Variants in DIP2C observed in about 807,000 individuals in gnomAD.
The protein encoded by DIP2C is DIP2 acetate--CoA ligase C (putative).
In DIP2C, 33 loss-of-function variants were observed where a neutral mutation model predicts 192.4. The ratio of observed to expected loss-of-function variants is 0.17; its 90% CI spans 0.13 to 0.23. The LOEUF is 0.23. Ranked by LOEUF, DIP2C falls within the 10% of genes least tolerant of loss-of-function variation. DIP2C has a pLI of 1.00. For missense variants in DIP2C, 1,537 were observed against 2,110.1 expected (o/e 0.73, Z 5.32); for synonymous variants, 979 against 864.1 (o/e 1.13, Z -2.33).
chr10:374,872 G>T (rs1414468195), intron 17 of DIP2C, among the ~76,000 whole-genome samples: 1 of 152,150 alleles, frequency 6.6e-6, no homozygotes, highest in Non-Finnish European at 1.5e-5. Context: ...ATTAAAAAAT[G>T]GCTAATAAAG....
chr10:564,562 T>C (rs1849366000), intron 1 of DIP2C, among the ~76,000 whole-genome samples: 1 of 152,216 alleles, frequency 6.6e-6, no homozygotes, highest in South Asian at 2.1e-4. Context: ...CTGAGCACTG[T>C]GTTCTGATCC....
At chr10:368,653 T>C (rs964513648) in intron 18 of DIP2C, among the ~76,000 whole-genome samples, 2 of 152,146 alleles carry the variant, frequency 1.3e-5, no homozygotes, top group Non-Finnish European at 2.9e-5. Flanking sequence ...TCTGTGAGAC[T>C]CCATGGGGCG....
intron 1 of DIP2C, among the ~76,000 whole-genome samples, chr10:488,078 T>G (rs1385059855): frequency 6.6e-6 from 1 of 152,196 alleles, no homozygotes; most frequent in Non-Finnish European, 1.5e-5. Context: ...ACGTGCTTGA[T>G]TTAAATCGAG....
chr10:485,673 TC>T (rs1843964313), intron 2 of DIP2C, among the ~76,000 whole-genome samples: 1 of 152,212 alleles, frequency 6.6e-6, no homozygotes, highest in Admixed American at 6.5e-5. Context: ...GACATGTGCA[TC>T]CTTAAACCTT....
rs1211803278 is a variant in DIP2C, at chr10:652,992, A to AC, written c.85+36501dup. Among the ~76,000 whole-genome samples, 1 of 151,938 alleles carries AC rather than the reference A, an allele frequency of 6.6e-6. No homozygotes were observed. The highest frequency in any genetic ancestry group is 6.6e-5 in the Admixed American group (1 of 15,246). The stretch of plus-strand genomic sequence containing the variant: ...CTCAAGGTGCCCCACGTCCCCAAAG[A>AC]CCAAGGGGTCACAGCTCCACATTGT... On this transcript the variant is annotated intron_variant, in intron 1 of 36. Coordinates refer to ENST00000280886, the MANE Select transcript of DIP2C (RefSeq NM_014974.3). The surrounding 1 kb of genome is among the most constrained non-coding windows in gnomAD (Gnocchi z 4.5).
intron 10 of DIP2C, among the ~76,000 whole-genome samples, chr10:392,258 AG>A (rs1330893737): frequency 6.6e-6 from 1 of 152,232 alleles, no homozygotes; most frequent in Non-Finnish European, 1.5e-5. Flanking sequence ...CTGCTGAGCC[AG>A]GAAGTGCCGG....
intron 1 of DIP2C, among the ~76,000 whole-genome samples, chr10:507,886 T>A (rs892258426): frequency 6.6e-6 from 1 of 152,162 alleles, no homozygotes; most frequent in Non-Finnish European, 1.5e-5. Flanking sequence ...CAAGTTTAAA[T>A]GAGGGGCCCA....
chr10:344,399 CG>C lies in DIP2C; in HGVS notation c.3453+409del, dbSNP rs10534838. Among the ~76,000 whole-genome samples the C allele has an allele frequency of 2.5e-3, 294 of 118,382 alleles. 5 individuals carry two copies. The highest frequency in any genetic ancestry group is 5.3e-3 in the African/African-American group (173 of 32,432). 77.7% of individuals were successfully genotyped at this position (118,382 alleles called of 152,430 possible). On this transcript the variant is annotated intron_variant, in intron 28 of 36. Transcript: ENST00000280886. ...CCCCAAGGGTGGGGCGGGGGCGGGG[CG>C]GGGGGGGGTTTGCACGGCACCTCGG...
At chr10:334,493 T>C (rs1957661095) in intron 29 of DIP2C, among the ~76,000 whole-genome samples, 1 of 152,106 alleles carries the variant, frequency 6.6e-6, no homozygotes, top group Non-Finnish European at 1.5e-5. Flanking sequence ...AGTATACCTT[T>C]GATGAACTCT....
chr10:351,779 G>A lies in DIP2C; in HGVS notation c.2986-2325C>T, dbSNP rs550093574. On this transcript the variant is annotated intron_variant, in intron 24 of 36. Transcript: ENST00000280886. ...CCTCTGAGCATTTACTCTTAGAGGG[G>A]CTCCTTGCCACCTGTTCACAGCAAC... Among the ~76,000 whole-genome samples the A allele has an allele frequency of 2.6e-5, 4 of 152,246 alleles. No homozygotes were observed. The East Asian group carries it at 7.7e-4, about 29-fold the overall frequency.
At chr10:526,265 A>T (rs1488011976) in intron 1 of DIP2C, among the ~76,000 whole-genome samples, 1 of 152,212 alleles carries the variant, frequency 6.6e-6, no homozygotes, top group African/African-American at 2.4e-5. Context: ...GTGGGCAGGG[A>T]GATGCTGCAC....
At chr10:342,420 A>C (rs1280711655) in intron 28 of DIP2C, among the ~76,000 whole-genome samples, 1 of 152,060 alleles carries the variant, frequency 6.6e-6, no homozygotes, top group Non-Finnish European at 1.5e-5. Context: ...GGCCTCCCAA[A>C]GTGCTGGGAT....
chr10:354,371 G>A (rs973487758), intron 24 of DIP2C, among the ~76,000 whole-genome samples: 3 of 152,166 alleles, frequency 2.0e-5, no homozygotes, highest in Non-Finnish European at 2.9e-5. Flanking sequence ...CTGTCCACAG[G>A]GCCAGATAGA....
At chr10:607,380 C>G (rs1166110178) in intron 1 of DIP2C, among the ~76,000 whole-genome samples, 1 of 152,218 alleles carries the variant, frequency 6.6e-6, no homozygotes, top group Non-Finnish European at 1.5e-5. Flanking sequence ...GTGCTCACGT[C>G]TGCATTCCAG....
At chr10:420,317 G>T (rs1966096077) in intron 5 of DIP2C, among the ~76,000 whole-genome samples, 1 of 152,260 alleles carries the variant, frequency 6.6e-6, no homozygotes. Context: ...GTGCCGAGCT[G>T]CCTGGACACG....
intron 10 of DIP2C, among the ~76,000 whole-genome samples, chr10:391,684 A>C (rs576262904): frequency 1.3e-5 from 2 of 152,376 alleles, no homozygotes; most frequent in South Asian, 4.1e-4. Flanking sequence ...CCAGGGTTCC[A>C]GGACCTAAAA....
At chr10:609,089 CCA>C (rs1852883872) in intron 1 of DIP2C, among the ~76,000 whole-genome samples, 1 of 151,726 alleles carries the variant, frequency 6.6e-6, no homozygotes, top group South Asian at 2.1e-4. Context: ...AAGGGTAAGA[CCA>C]CGTTTGGTTT....
At chr10:591,680 C>G (rs1207893861) in intron 1 of DIP2C, among the ~76,000 whole-genome samples, 1 of 152,188 alleles carries the variant, frequency 6.6e-6, no homozygotes, top group East Asian at 1.9e-4. Context: ...GAGTTAGACA[C>G]AAGGACGAAG....
chr10:542,329 C>T (rs1176878693), intron 1 of DIP2C, among the ~76,000 whole-genome samples: 3 of 152,212 alleles, frequency 2.0e-5, no homozygotes, highest in African/African-American at 7.2e-5. Context: ...TCAACAGATG[C>T]TCTATGTCTT....
Sources: allele counts gnomAD v4.1 joint callset (sites outside exome capture counted in the v4.1 genomes callset), GRCh38; gene constraint gnomAD v4.1.1; non-coding constraint Gnocchi (gnomAD v3.1); transcripts MANE v1.5; gene names NCBI Gene and HGNC (gene_info 2026-07-23, HGNC 2026-07-21).